Variants in ANK3 observed in about 807,000 individuals in gnomAD.
ANK3 encodes the protein ankyrin-3.
ANK3 carries 57 observed loss-of-function variants against 370.9 expected under a neutral mutation model. The observed-to-expected ratio is 0.15, with a 90% CI of 0.12 to 0.19. ANK3 has a LOEUF of 0.19. Ranked by LOEUF, ANK3 falls within the 10% of genes least tolerant of loss-of-function variation. The probability of loss-of-function intolerance (pLI) is 1.00; values close to 1 mark genes in which losing one functional copy is unlikely to be tolerated. For missense variants in ANK3, 4,439 were observed against 5,302.1 expected (o/e 0.84, Z 5.06); for synonymous variants, 1,929 against 1,946.3 (o/e 0.99, Z 0.23).
chr10:60,125,155 T>C (rs2093692510), intron 25 of ANK3, among the ~76,000 whole-genome samples: 1 of 152,148 alleles, frequency 6.6e-6, no homozygotes, highest in African/African-American at 2.4e-5. Flanking sequence ...AAAAAGCAGG[T>C]CTTTTTTCCC....
At chr10:60,226,540 A>AGTATAT (rs1555168920) in intron 8 of ANK3, among the ~76,000 whole-genome samples, 21 of 83,200 alleles carry the variant, frequency 2.5e-4, no homozygotes, top group South Asian at 3.3e-4. Flanking sequence ...ATATATACAT[A>AGTATAT]GTATATATAC....
intron 2 of ANK3, among the ~76,000 whole-genome samples, chr10:60,592,924 G>A (rs1039545635): frequency 1.3e-5 from 2 of 152,096 alleles, no homozygotes; most frequent in African/African-American, 2.4e-5. Context: ...ACTCCACAAC[G>A]AATCCAGAGA....
chr10:60,483,891 C>G (rs17237427), intron 2 of ANK3, among the ~76,000 whole-genome samples: 14,642 of 152,168 alleles, frequency 0.096, 782 homozygotes, highest in South Asian at 0.17. Flanking sequence ...GACAGTCGGA[C>G]AGAACAATGT....
chr10:60,530,790 GC>G (rs1319850214), intron 2 of ANK3, among the ~76,000 whole-genome samples: 12 of 152,088 alleles, frequency 7.9e-5, no homozygotes, highest in Non-Finnish European at 1.8e-4. Context: ...ATTTCTCAGA[GC>G]CGGATGCTGT....
In ANK3 at chr10:60,469,299, A is replaced by ACCACTTTTAGTGTG. The variant is rs1440202433; in HGVS notation, c.96+145886_96+145887insCACACTAAAAGTGG. On this transcript the variant is annotated intron_variant, in intron 2 of 43. Transcript: ENST00000373827. ...ATTTTTAGTGTGTGTATATATATAT[A>ACCACTTTTAGTGTG]TATATATACCACTTTTAGTGTATAT... Among the ~76,000 whole-genome samples the ACCACTTTTAGTGTG allele has an allele frequency of 2.6e-4, 38 of 147,500 alleles. 1 individual carries two copies. The highest frequency in any genetic ancestry group is 4.2e-4 in the Non-Finnish European group (28 of 66,888).
chr10:60,320,267 C>T (rs143965928), intron 1 of ANK3, among the ~76,000 whole-genome samples: 2 of 152,294 alleles, frequency 1.3e-5, no homozygotes, highest in Non-Finnish European at 2.9e-5. Context: ...GGAGGGAGCT[C>T]ACGGCTCCAG....
At chr10:60,085,009 G>T in intron 31 of ANK3, 148 bp downstream of exon 31, 1 of 769,782 alleles carries the variant, frequency 1.3e-6, no homozygotes. Flanking sequence ...CCCTCTGTTT[G>T]TTATTTGAGG....
At chr10:60,534,449 G>C (rs2076678137) in intron 2 of ANK3, among the ~76,000 whole-genome samples, 1 of 151,948 alleles carries the variant, frequency 6.6e-6, no homozygotes, top group African/African-American at 2.4e-5. Context: ...AAGATAAATG[G>C]GTGTTCTAAA....
chr10:60,420,008 A>T (rs533223908), intron 2 of ANK3, among the ~76,000 whole-genome samples: 96 of 152,230 alleles, frequency 6.3e-4, no homozygotes, highest in Admixed American at 1.3e-3. Context: ...AACAAAAACC[A>T]AACATCTGAC....
At chr10:60,475,381 G>A (rs1291523693) in intron 2 of ANK3, among the ~76,000 whole-genome samples, 1 of 152,078 alleles carries the variant, frequency 6.6e-6, no homozygotes, top group African/African-American at 2.4e-5. Flanking sequence ...GACAAGTGTT[G>A]CATTTCCTGT....
intron 1 of ANK3, among the ~76,000 whole-genome samples, chr10:60,670,340 C>T (rs1382369865): frequency 6.6e-6 from 1 of 152,110 alleles, no homozygotes; most frequent in Non-Finnish European, 1.5e-5. Flanking sequence ...ATTGCACCAC[C>T]ACCCTCAGAA....
intron 1 of ANK3, chr10:60,300,313 G>C (rs1056915713): frequency 1.6e-6 from 2 of 1,263,978 alleles, no homozygotes; most frequent in African/African-American, 3.1e-5. Flanking sequence ...AGCTGTAAAT[G>C]CTTACTTGTT....
At chr10:60,182,468 A>AT (rs1330072064) in intron 17 of ANK3, among the ~76,000 whole-genome samples, 4 of 152,206 alleles carry the variant, frequency 2.6e-5, no homozygotes, top group African/African-American at 9.7e-5. Flanking sequence ...ATTGTAAAGC[A>AT]TTTTTTATAA....
chr10:60,650,366 CAA>C (rs869281312), intron 1 of ANK3, among the ~76,000 whole-genome samples: 2 of 27,234 alleles, frequency 7.3e-5, no homozygotes, highest in Admixed American at 4.0e-4. Context: ...TACTACTTTA[CAA>C]AAAAAAAAAA....
At chr10:60,367,808 G>A (rs2059590593) in intron 1 of ANK3, among the ~76,000 whole-genome samples, 1 of 152,170 alleles carries the variant, frequency 6.6e-6, no homozygotes, top group South Asian at 2.1e-4. Context: ...TAAAATGGAT[G>A]CAGCAGTTGA....
chr10:60,648,702 G>A (rs558430312), intron 1 of ANK3, among the ~76,000 whole-genome samples: 45 of 148,642 alleles, frequency 3.0e-4, no homozygotes, highest in Middle Eastern at 3.5e-3. Flanking sequence ...CCCAGGAGGC[G>A]GAGGTTGCAG....
intron 17 of ANK3, among the ~76,000 whole-genome samples, chr10:60,182,478 A>C (rs912393109): frequency 2.0e-5 from 3 of 152,204 alleles, no homozygotes; most frequent in Non-Finnish European, 4.4e-5. Flanking sequence ...ATTTTTTATA[A>C]TATTTAAGAG....
At position 60,490,016 on chromosome 10, in the gene ANK3, G is replaced by C. The variant is rs558745757; in HGVS notation, c.96+125170C>G. 5.0e-4 allele frequency among the ~76,000 whole-genome samples: 74 copies of C among 148,364 alleles called. 1 individual carries two copies. Among genetic ancestry groups the C allele is most frequent in the Admixed American group, 7.9e-4 (12 of 15,116 alleles). On this transcript the variant is annotated intron_variant, in intron 2 of 43. Transcript: ENST00000373827. ...GTTTCTCCTTTCTCCAAAATTCCCT[G>C]CCTAGTGCACACTCCCCACTTAACC...
chr10:60,389,583 A>G lies in ANK3; in HGVS notation c.-45T>C. On this transcript the variant is annotated 5_prime_UTR_variant, in exon 1 of 44. Transcript: ENST00000280772. ...TCTCAAGCACACACGGCTTCCTTGT[A>G]AAAGGTGATATCCTCAGGCACCTCT... 6.2e-7 allele frequency: 1 copy of G among 1,607,444 alleles called. No homozygotes were observed. The highest frequency in any genetic ancestry group is 1.1e-5 in the South Asian group (1 of 89,700).
Sources: gnomAD v4.1 joint callset for allele counts (sites outside exome capture counted in the v4.1 genomes callset) on GRCh38, gnomAD v4.1.1 for gene constraint, MANE v1.5 for transcripts, NCBI Gene and HGNC (gene_info 2026-07-23, HGNC 2026-07-21) for gene names.